Variants in SLCO3A1 observed in about 807,000 individuals in gnomAD.
The protein encoded by SLCO3A1 is solute carrier organic anion transporter family member 3A1, also known as PGE1 transporter.
A neutral mutation model predicts 63.1 loss-of-function variants in SLCO3A1; 27 were observed. The ratio of observed to expected loss-of-function variants is 0.43; its 90% CI spans 0.32 to 0.59. The LOEUF (loss-of-function observed/expected upper bound fraction) is 0.59, where lower values mean the gene tolerates loss of function less well. Among genes scored for constraint, SLCO3A1 ranks in the 20% least tolerant of loss-of-function variants. SLCO3A1 has a pLI of 0.09. For synonymous variants in SLCO3A1, 473 were observed against 409.9 expected, an observed-to-expected ratio of 1.15 and a Z score of -1.86; for missense variants, 773 against 945.8, an observed-to-expected ratio of 0.82 and a Z score of 2.40.
rs890973369 is a variant in SLCO3A1 at position 91,941,366 on chromosome 15, T to A, written c.646+24908T>A. 2.7e-6 allele frequency: 1 copy of A among 366,140 alleles called. No homozygotes were observed. The highest frequency in any genetic ancestry group is 5.4e-6 in the Non-Finnish European group (1 of 186,514). The allele number at this position is 366,140 out of a possible 1,614,324, so 22.7% of individuals were successfully genotyped here. ...TAGGACTGAGCCCAAAGACCTGAGA[T>A]TCCCTGGGAGGCTGTGGGGTCTGCC... On this transcript the variant is annotated intron_variant, in intron 2 of 9. Transcript: ENST00000318445. The surrounding 1 kb of genome is among the most constrained non-coding windows in gnomAD (Gnocchi z 4.4).
chr15:92,145,881 G>A (rs1489033865), intron 7 of SLCO3A1, among the ~76,000 whole-genome samples: 1 of 152,130 alleles, frequency 6.6e-6, no homozygotes, highest in Non-Finnish European at 1.5e-5. Flanking sequence ...GATACAGACT[G>A]ACCCTGTTGG....
At chr15:92,042,031 G>A (rs1347256238) in intron 2 of SLCO3A1, among the ~76,000 whole-genome samples, 1 of 152,146 alleles carries the variant, frequency 6.6e-6, no homozygotes, top group Non-Finnish European at 1.5e-5. Context: ...GTGGGTGGAA[G>A]CAGGCAAGAG....
At chr15:92,153,361 T>A (rs1186716545) in intron 9 of SLCO3A1, 2 of 152,212 alleles carry the variant, frequency 1.3e-5, no homozygotes, top group Admixed American at 1.3e-4. Flanking sequence ...ACCCTATTGA[T>A]TTTATTGCCC....
intron 2 of SLCO3A1, among the ~76,000 whole-genome samples, chr15:91,926,968 T>C (rs951373532): frequency 1.3e-5 from 2 of 152,010 alleles, no homozygotes; most frequent in South Asian, 2.1e-4. Context: ...GTCTAGCTAG[T>C]TGAGGTGAGA....
At chr15:92,050,158 T>G (rs1275508727) in intron 2 of SLCO3A1, among the ~76,000 whole-genome samples, 2 of 152,212 alleles carry the variant, frequency 1.3e-5, no homozygotes, top group East Asian at 3.9e-4. Flanking sequence ...TCTGGTCTTG[T>G]GGACTTTTTC....
intron 7 of SLCO3A1, among the ~76,000 whole-genome samples, chr15:92,134,818 G>A (rs1396194955): frequency 6.6e-6 from 1 of 152,180 alleles, no homozygotes; most frequent in African/African-American, 2.4e-5. Flanking sequence ...GAGGGAAGCA[G>A]CTGTGTAGAC....
chr15:91,976,631 G>A (rs1261814746), intron 2 of SLCO3A1, among the ~76,000 whole-genome samples: 1 of 152,100 alleles, frequency 6.6e-6, no homozygotes. Flanking sequence ...ATTCACGTAG[G>A]TTCTTTTCTA....
intron 7 of SLCO3A1, 55 bp downstream of exon 7, chr15:92,128,544 A>G (rs763203012): frequency 8.1e-5 from 123 of 1,519,830 alleles, no homozygotes; most frequent in Middle Eastern, 7.5e-4. Context: ...AAAGTGGCTT[A>G]AAACCCAAGT....
At chr15:92,055,336 C>T (rs1046080165) in intron 2 of SLCO3A1, among the ~76,000 whole-genome samples, 22 of 152,056 alleles carry the variant, frequency 1.4e-4, no homozygotes, top group African/African-American at 4.6e-4. Flanking sequence ...CTTATAGATT[C>T]TGGATATTAG....
At chr15:91,896,781 G>A (rs1288315443) in intron 1 of SLCO3A1, among the ~76,000 whole-genome samples, 2 of 152,184 alleles carry the variant, frequency 1.3e-5, no homozygotes, top group African/African-American at 4.8e-5. Context: ...CTAATACAGA[G>A]GTGCTTTTTC....
rs542773745 is a variant in SLCO3A1, at chr15:92,104,987, C to T, written c.1009+445C>T. Among the ~76,000 whole-genome samples the T allele has an allele frequency of 4.0e-5, 6 of 151,256 alleles. No homozygotes were observed. The East Asian group carries it at 9.8e-4, about 25-fold the overall frequency. ...GCGCGGTGGCTGTAATCCCAGCCAC[C>T]GCGCCCGGTGTAATCACATCTGTAA... On this transcript the variant is annotated intron_variant, in intron 4 of 9. Coordinates refer to ENST00000318445, the MANE Select transcript of SLCO3A1 (RefSeq NM_013272.4).
At chr15:91,895,945 A>G (rs528556544) in intron 1 of SLCO3A1, among the ~76,000 whole-genome samples, 1 of 152,360 alleles carries the variant, frequency 6.6e-6, no homozygotes, top group African/African-American at 2.4e-5. Context: ...AGCCTTACTC[A>G]AAACTACCAG....
chr15:91,929,070 A>C (rs927721094), intron 2 of SLCO3A1, among the ~76,000 whole-genome samples: 5 of 152,234 alleles, frequency 3.3e-5, no homozygotes, highest in African/African-American at 4.8e-5. Flanking sequence ...GAGAAAGAAC[A>C]AGAAGTAGAG....
chr15:92,063,229 T>C (rs2047108184), intron 2 of SLCO3A1, among the ~76,000 whole-genome samples: 1 of 152,230 alleles, frequency 6.6e-6, no homozygotes, highest in Non-Finnish European at 1.5e-5. Context: ...AAGATGGATG[T>C]TTTATTAATG....
At chr15:91,974,323 G>A (rs1901012927) in intron 2 of SLCO3A1, among the ~76,000 whole-genome samples, 1 of 148,458 alleles carries the variant, frequency 6.7e-6, no homozygotes, top group African/African-American at 2.5e-5. Flanking sequence ...CTTAGCATTT[G>A]CAGTGTATCC....
chr15:91,963,411 G>GA (rs61618713), intron 2 of SLCO3A1, among the ~76,000 whole-genome samples: 1 of 120,468 alleles, frequency 8.3e-6, no homozygotes, highest in Non-Finnish European at 1.7e-5. Flanking sequence ...GGGAGGGTGG[G>GA]GGGGGGGGGC....
rs1900730434 is a variant in SLCO3A1 at position 91,968,252 on chromosome 15, T to C, written c.646+51794T>C. 3.9e-5 allele frequency among the ~76,000 whole-genome samples: 6 copies of C among 152,040 alleles called. No individual in the cohort carries two copies. Among genetic ancestry groups the C allele is most frequent in the Admixed American group, 3.9e-4 (6 of 15,284 alleles). ...TGTATGCCCCCTCCCTACCTTACAGTCTTTTACTTCTCCACCTGGGGAAAA... is the reference window on the plus strand; with the variant it reads ...TGTATGCCCCCTCCCTACCTTACAGCCTTTTACTTCTCCACCTGGGGAAAA... On this transcript the variant is annotated intron_variant, in intron 2 of 9. Transcript: ENST00000318445. The surrounding 1 kb of genome is among the most constrained non-coding windows in gnomAD (Gnocchi z 4.2).
intron 2 of SLCO3A1, among the ~76,000 whole-genome samples, chr15:92,063,879 G>A (rs1485251054): frequency 2.0e-5 from 3 of 152,008 alleles, no homozygotes; most frequent in Admixed American, 1.3e-4. Flanking sequence ...AAATCATGAA[G>A]CCAGGCAGGC....
intron 7 of SLCO3A1, among the ~76,000 whole-genome samples, chr15:92,139,474 A>C (rs895365648): frequency 6.6e-6 from 1 of 152,158 alleles, no homozygotes; most frequent in African/African-American, 2.4e-5. Flanking sequence ...TTGGTGTCAG[A>C]ATGATGCTGG....
Sources: gnomAD v4.1 joint callset for allele counts (sites outside exome capture counted in the v4.1 genomes callset) on GRCh38, gnomAD v4.1.1 for gene constraint, Gnocchi (gnomAD v3.1) non-coding constraint, MANE v1.5 for transcripts, NCBI Gene and HGNC (gene_info 2026-07-23, HGNC 2026-07-21) for gene names.